The following DOCK2 variants were observed in gnomAD, a reference collection of about 807,000 sequenced individuals.
DOCK2 encodes the protein dedicator of cytokinesis 2.
DOCK2 carries 87 observed loss-of-function variants against 248.9 expected under a neutral mutation model. The ratio of observed to expected loss-of-function variants is 0.35; its 90% CI spans 0.29 to 0.42. DOCK2 has a LOEUF of 0.42. Among genes scored for constraint, DOCK2 ranks in the 10% least tolerant of loss-of-function variants. The probability of loss-of-function intolerance (pLI) is 1.00; values close to 1 mark genes in which losing one functional copy is unlikely to be tolerated. For missense variants in DOCK2, 1,747 were observed against 2,300.2 expected, an observed-to-expected ratio of 0.76 and a Z score of 4.92; for synonymous variants, 805 against 821.6, an observed-to-expected ratio of 0.98 and a Z score of 0.35.
chr5:169,704,789 G>GTGTGTA (rs367760439), intron 14 of DOCK2, among the ~76,000 whole-genome samples: 6,568 of 148,132 alleles, frequency 0.044, 350 homozygotes, highest in African/African-American at 0.13. Context: ...GTGTGTGTGT[G>GTGTGTA]TGTGTGTGTG....
intron 5 of DOCK2, among the ~76,000 whole-genome samples, chr5:169,673,495 T>G (rs1759152791): frequency 1.3e-5 from 2 of 152,060 alleles, no homozygotes; most frequent in African/African-American, 4.8e-5. Flanking sequence ...TTCATCTAAA[T>G]ACAATGAAAA....
chr5:169,673,171 A>G (rs1759132056), intron 5 of DOCK2, among the ~76,000 whole-genome samples: 2 of 151,722 alleles, frequency 1.3e-5, no homozygotes, highest in South Asian at 4.2e-4. Flanking sequence ...CCCTCTAATC[A>G]TGTGATTGGG....
In DOCK2 at chr5:169,722,006, G is replaced by A. The variant is rs150001200; in HGVS notation, c.2267+3215G>A. On this transcript the variant is annotated intron_variant, in intron 22 of 51. Coordinates refer to ENST00000520908, the MANE Select transcript of DOCK2 (RefSeq NM_004946.3). ...AGGTTCTAGCTTCTGCCACAGGGAG[G>A]CAGTCTTATGAGTAATTCCTAAATT... Among the ~76,000 whole-genome samples, 288 of 152,304 alleles carry A rather than the reference G, an allele frequency of 1.9e-3. 1 individual carries two copies. The highest frequency in any genetic ancestry group is 6.7e-3 in the African/African-American group (278 of 41,556).
chr5:169,662,963 G>C (rs1581408466), intron 2 of DOCK2, among the ~76,000 whole-genome samples: 2 of 152,304 alleles, frequency 1.3e-5, no homozygotes, highest in South Asian at 2.1e-4. Context: ...AAAAGGCCAA[G>C]TCCAAAGTCT....
At chr5:169,936,403 G>A (rs1775997493) in intron 27 of DOCK2, among the ~76,000 whole-genome samples, 2 of 152,094 alleles carry the variant, frequency 1.3e-5, no homozygotes, top group African/African-American at 2.4e-5. Flanking sequence ...AGGAAACTGA[G>A]GATCCAGGAA....
At chr5:169,827,032 C>T (rs539897804) in intron 26 of DOCK2, among the ~76,000 whole-genome samples, 1 of 152,174 alleles carries the variant, frequency 6.6e-6, no homozygotes, top group Non-Finnish European at 1.5e-5. Context: ...GTCGGTACCA[C>T]TCCGTATTGA....
chr5:169,662,823 G>A (rs1333924436), intron 2 of DOCK2, among the ~76,000 whole-genome samples: 1 of 152,190 alleles, frequency 6.6e-6, no homozygotes, highest in Non-Finnish European at 1.5e-5. Flanking sequence ...AGATGTGGGT[G>A]GGGACACAGA....
chr5:169,637,706 C>A (rs1039457144), intron 1 of DOCK2, among the ~76,000 whole-genome samples: 3 of 152,214 alleles, frequency 2.0e-5, no homozygotes, highest in African/African-American at 7.2e-5. Context: ...GCGTGGGAGA[C>A]TTGGCCTTGT....
intron 41 of DOCK2, among the ~76,000 whole-genome samples, chr5:170,055,028 A>C (rs561888688): frequency 6.6e-6 from 1 of 152,330 alleles, no homozygotes; most frequent in Non-Finnish European, 1.5e-5. Context: ...TATTATTATT[A>C]ATGATAATAT....
intron 22 of DOCK2, among the ~76,000 whole-genome samples, chr5:169,720,905 G>A (rs1429127679): frequency 6.6e-6 from 1 of 152,056 alleles, no homozygotes; most frequent in African/African-American, 2.4e-5. Context: ...TAATTTTTTA[G>A]TAGAGACGGG....
At chr5:170,069,293 C>G in intron 46 of DOCK2, 73 bp downstream of exon 46, 1 of 1,497,428 alleles carries the variant, frequency 6.7e-7, no homozygotes, top group Non-Finnish European at 9.2e-7. Context: ...TTGCCCCACG[C>G]TAGGCTCTAG....
At chr5:169,869,839 C>T (rs1771838994) in intron 27 of DOCK2, among the ~76,000 whole-genome samples, 1 of 152,212 alleles carries the variant, frequency 6.6e-6, no homozygotes, top group Non-Finnish European at 1.5e-5. Flanking sequence ...TCACTGCTTC[C>T]ACCTACTCTC....
intron 26 of DOCK2, among the ~76,000 whole-genome samples, chr5:169,813,259 A>C (rs1364574193): frequency 6.6e-6 from 1 of 152,212 alleles, no homozygotes; most frequent in Non-Finnish European, 1.5e-5. Flanking sequence ...TTAAAATCTA[A>C]GGTAATAAGA....
At chr5:169,670,817 T>G (rs1258579155) in intron 4 of DOCK2, among the ~76,000 whole-genome samples, 1 of 152,204 alleles carries the variant, frequency 6.6e-6, no homozygotes, top group Non-Finnish European at 1.5e-5. Flanking sequence ...GTTTGGAGAA[T>G]CAAACTTTTT....
chr5:169,953,964 G>C (rs1030167178), intron 27 of DOCK2, among the ~76,000 whole-genome samples: 26 of 152,282 alleles, frequency 1.7e-4, no homozygotes, highest in African/African-American at 6.3e-4. Flanking sequence ...CATGGCAAAG[G>C]CTTCACAAGA....
intron 22 of DOCK2, among the ~76,000 whole-genome samples, chr5:169,735,415 C>A (rs1336442409): frequency 6.6e-6 from 1 of 152,176 alleles, no homozygotes; most frequent in African/African-American, 2.4e-5. Context: ...CCCTCTCCTT[C>A]TTACCTAATT....
At position 169,740,114 on chromosome 5, in the gene DOCK2, G is replaced by A. The variant is rs565496225; in HGVS notation, c.2268-7282G>A. ...GTGCAGCTCCTCTGAATAGAATGAA[G>A]GATGGCATGGGCACACATCACACAC... On this transcript the variant is annotated intron_variant, in intron 22 of 51. Transcript: ENST00000520908. Among the ~76,000 whole-genome samples the A allele has an allele frequency of 3.9e-4, 59 of 152,348 alleles. 1 individual carries two copies. In the South Asian group the frequency reaches 9.1e-3, roughly 24 times the overall value.
rs1033831859 is a variant in DOCK2 at position 170,057,725 on chromosome 5, G to C, written c.4467+59G>C. Reference sequence around the variant, plus strand: ...TCCTCCGATGGGCAGGGCACAGCCAGTCTCCAAAGGCCCCTTTGACTTTAA... The same window carrying C: ...TCCTCCGATGGGCAGGGCACAGCCACTCTCCAAAGGCCCCTTTGACTTTAA... On this transcript the variant is annotated intron_variant, in intron 44 of 51. Transcript: ENST00000520908. The C allele has an allele frequency of 1.4e-5, 20 of 1,433,956 alleles. No individual in the cohort carries two copies. The African/African-American group carries it at 2.9e-4, about 21-fold the overall frequency. The allele number at this position is 1,433,956 out of a possible 1,614,324, so 88.8% of individuals were successfully genotyped here.
intron 27 of DOCK2, among the ~76,000 whole-genome samples, chr5:169,852,146 C>G (rs1011687541): frequency 3.3e-5 from 5 of 151,786 alleles, no homozygotes; most frequent in Non-Finnish European, 5.9e-5. Flanking sequence ...TGCAGTCACA[C>G]AGAAGAATGA....
Sources: allele counts gnomAD v4.1 joint callset (sites outside exome capture counted in the v4.1 genomes callset), GRCh38; gene constraint gnomAD v4.1.1; transcripts MANE v1.5; gene names NCBI Gene and HGNC (gene_info 2026-07-23, HGNC 2026-07-21).